The following ZNF106 variants were observed in gnomAD, a reference collection of about 807,000 sequenced individuals.
ZNF106 encodes the protein zinc finger protein 106, also known as SH3-domain binding protein 3.
In ZNF106, 67 loss-of-function variants were observed where a neutral mutation model predicts 195.1. The observed-to-expected ratio is 0.34, with a 90% confidence interval of 0.28 to 0.42. The LOEUF (loss-of-function observed/expected upper bound fraction) is 0.42, where lower values mean the gene tolerates loss of function less well. Ranked by LOEUF, ZNF106 falls within the 10% of genes least tolerant of loss-of-function variation. ZNF106 has a pLI of 1.00. For missense variants in ZNF106, 2,118 were observed against 2,304.5 expected (o/e 0.92, Z 1.66); for synonymous variants, 784 against 818.6 (o/e 0.96, Z 0.72).
intron 14 of ZNF106, among the ~76,000 whole-genome samples, chr15:42,432,285 A>G (rs953309148): frequency 6.6e-6 from 1 of 152,164 alleles, no homozygotes; most frequent in Non-Finnish European, 1.5e-5. Context: ...CAGCCTCCCA[A>G]GTAGCTAGGA....
At chr15:42,433,873 G>A (rs982064717) in intron 14 of ZNF106, among the ~76,000 whole-genome samples, 4 of 151,910 alleles carry the variant, frequency 2.6e-5, no homozygotes, top group Admixed American at 2.6e-4. Flanking sequence ...TTTTGAGGCA[G>A]GTTCTTGTTC....
intron 17 of ZNF106, among the ~76,000 whole-genome samples, chr15:42,423,133 C>T (rs1313424065): frequency 6.6e-6 from 1 of 151,800 alleles, no homozygotes; most frequent in Admixed American, 6.6e-5. Context: ...TTTGGGAGGC[C>T]GAGCTGGGCA....
chr15:42,480,868 C>T (rs1281066882), intron 1 of ZNF106, among the ~76,000 whole-genome samples: 3 of 152,096 alleles, frequency 2.0e-5, no homozygotes, highest in African/African-American at 7.2e-5. Context: ...ACCTGTACTC[C>T]CAGCTACTTG....
In ZNF106 at chr15:42,435,491, C is replaced by T. The variant is rs538508118; in HGVS notation, c.4774G>A (p.Gly1592Ser). ...AGGCAGTTAACTTTGGAGGTATGAC[C>T]CTCAAAGACACCAATACATTTCCGA... ...VSRKCIGVFEGHTSKVNCLLV... is the reference protein window; with the variant it reads ...VSRKCIGVFESHTSKVNCLLV... The change falls in exon 14 of 22, where the codon GGT becomes AGT. Residue 1592 changes from glycine to serine, a missense_variant. By Grantham distance (56) the Gly-to-Ser change is moderately conservative. Coordinates refer to ENST00000564754, the MANE Select transcript of ZNF106 (RefSeq NM_001366845.3). 1.2e-6 allele frequency: 2 copies of T among 1,614,066 alleles called. No homozygotes were observed. Among genetic ancestry groups the T allele is most frequent in the South Asian group, 1.1e-5 (1 of 91,082 alleles).
chr15:42,420,948 A>C (rs2054629945), intron 20 of ZNF106, 113 bp downstream of exon 20: 1 of 963,488 alleles, frequency 1.0e-6, no homozygotes, highest in Non-Finnish European at 1.7e-6. Context: ...GTAAGGCATA[A>C]AGTAGATGCT....
In ZNF106 at chr15:42,448,360, C is replaced by G. The variant is rs1268351765; in HGVS notation, c.2847G>C (p.Arg949Ser). 8 of 1,613,996 alleles carry G rather than the reference C, an allele frequency of 5.0e-6. No individual in the cohort carries two copies. The East Asian group carries it at 6.7e-5, about 13-fold the overall frequency. Residue 949 changes from arginine (R) to serine (S), a missense_variant, in exon 6 of 22, where the codon AGG (arginine) becomes AGC (serine). Coordinates refer to ENST00000564754, the MANE Select transcript of ZNF106 (RefSeq NM_001366845.3). ...PRAASLRTGE[R>S]AENVATQRRH... ...GCCTTTGGGTAGCAACATTTTCAGCCCTTTCACCTGTTCGGAGGGAGGCAG... is the reference window on the plus strand; with the variant it reads ...GCCTTTGGGTAGCAACATTTTCAGCGCTTTCACCTGTTCGGAGGGAGGCAG...
At chr15:42,461,996 T>C (rs1328257786) in intron 3 of ZNF106, among the ~76,000 whole-genome samples, 2 of 152,214 alleles carry the variant, frequency 1.3e-5, no homozygotes, top group Non-Finnish European at 2.9e-5. Flanking sequence ...TTCTCTCTTA[T>C]ATGTAACATG....
chr15:42,487,152 A>C (rs1476509319), intron 1 of ZNF106, among the ~76,000 whole-genome samples: 1 of 151,862 alleles, frequency 6.6e-6, no homozygotes, highest in African/African-American at 2.4e-5. Flanking sequence ...CTCCATCTTT[A>C]AAAAAATAAA....
intron 1 of ZNF106, among the ~76,000 whole-genome samples, chr15:42,482,889 A>C (rs376337031): frequency 6.6e-6 from 1 of 152,056 alleles, no homozygotes. Context: ...CATATGCATA[A>C]TTCAGCAGTC....
Position 42,486,779 on chromosome 15 carries a change from G to A in ZNF106, c.-33+4201C>T, listed in dbSNP as rs531179927. Among the ~76,000 whole-genome samples the A allele has an allele frequency of 1.4e-3, 212 of 150,168 alleles. 1 individual carries two copies. The Middle Eastern group carries it at 0.017, about 12-fold the overall frequency. ...TTCCAAGATCCTATTGATGTTAAGT[G>A]AGGACTTGTTATATATATATATGTC... On this transcript the variant is annotated intron_variant, in intron 1 of 21. Coordinates refer to ENST00000564754, the MANE Select transcript of ZNF106 (RefSeq NM_001366845.3).
chr15:42,417,680 CAT>C, intron 21 of ZNF106, 123 bp downstream of exon 21: 1 of 1,186,284 alleles, frequency 8.4e-7, no homozygotes, highest in Non-Finnish European at 1.1e-6. Flanking sequence ...ATCTCTGAAT[CAT>C]AAAAATAAAA....
chr15:42,472,321 G>C lies in ZNF106; in HGVS notation c.-32C>G, dbSNP rs7177521. On this transcript the variant is annotated splice_region_variant and 5_prime_UTR_variant, in exon 2 of 22. In the 5' UTR this introduces an upstream ATG that the reference lacks. Coordinates refer to ENST00000564754, the MANE Select transcript of ZNF106 (RefSeq NM_001366845.3). ...CAGATCTGAAGCACTCAACGTCACAGCTGCAATGAGGAAGTAACATTTAGT... is the reference window on the plus strand; with the variant it reads ...CAGATCTGAAGCACTCAACGTCACACCTGCAATGAGGAAGTAACATTTAGT... The C allele has an allele frequency of 1, 1,531,393 of 1,533,592 alleles. 764,620 individuals carry two copies. The highest frequency in any genetic ancestry group is 1 in the East Asian group (40,828 of 40,828). The allele number at this position is 1,533,592 out of a possible 1,614,324, so 95.0% of individuals were successfully genotyped here. A position where few individuals can be genotyped will look rare whatever the true frequency, so the allele number is the denominator to read the frequency against.
intron 20 of ZNF106, among the ~76,000 whole-genome samples, chr15:42,419,598 T>C (rs2054584013): frequency 6.6e-6 from 1 of 152,126 alleles, no homozygotes; most frequent in African/African-American, 2.4e-5. Context: ...GTCTTGGCTT[T>C]TCCCTACAGG....
intron 9 of ZNF106, among the ~76,000 whole-genome samples, 200 bp from the exon 10 acceptor site, chr15:42,442,614 C>CTTTTTTTT (rs1209709879): frequency 8.1e-6 from 1 of 123,608 alleles, no homozygotes; most frequent in African/African-American, 3.0e-5. Context: ...CATCAACATT[C>CTTTTTTTT]TTTTTTTTTT....
chr15:42,479,237 GGT>G (rs1034788213), intron 1 of ZNF106, among the ~76,000 whole-genome samples: 1 of 152,030 alleles, frequency 6.6e-6, no homozygotes, highest in African/African-American at 2.4e-5. Context: ...AGCTGGGCAT[GGT>G]GGTGGGCACC....
chr15:42,485,614 G>T (rs138933167), intron 1 of ZNF106, among the ~76,000 whole-genome samples: 1 of 152,248 alleles, frequency 6.6e-6, no homozygotes, highest in East Asian at 1.9e-4. Flanking sequence ...GGATGGAATG[G>T]CGTCCTGTCC....
chr15:42,414,342 TTTC>T lies in ZNF106; in HGVS notation c.*2959_*2961del, dbSNP rs1302062204. ...AGCCAAAATGCTTATGGTCCCTTTA[TTTC>T]TTAATAGAGGGCTAGAACCGTTCAT... On this transcript the variant is annotated 3_prime_UTR_variant, in exon 22 of 22. Coordinates refer to ENST00000564754, the MANE Select transcript of ZNF106 (RefSeq NM_001366845.3). The T allele has an allele frequency of 2.0e-5, 3 of 152,246 alleles. No individual in the cohort carries two copies. The highest frequency in any genetic ancestry group is 7.2e-5 in the African/African-American group (3 of 41,460). 9.4% of individuals were successfully genotyped at this position (152,246 alleles called of 1,614,324 possible).
chr15:42,423,364 CT>C (rs2054738049), intron 17 of ZNF106, among the ~76,000 whole-genome samples: 1 of 150,592 alleles, frequency 6.6e-6, no homozygotes, highest in South Asian at 2.1e-4. Context: ...AGTGAGACCC[CT>C]ATCTCAAAAA....
In ZNF106 at chr15:42,439,579, G is replaced by T. The variant is rs200126752; in HGVS notation, c.3998C>A (p.Ser1333Tyr). The T allele has an allele frequency of 9.5e-5, 154 of 1,614,060 alleles. No homozygotes were observed. Among genetic ancestry groups the T allele is most frequent in the Non-Finnish European group, 1.2e-4 (141 of 1,180,030 alleles). The change falls in exon 11 of 22, where the codon TCT becomes TAT. Residue 1333 changes from serine (S) to tyrosine (Y), a missense_variant. Ser to Tyr is a moderately radical substitution (Grantham distance 144). Transcript: ENST00000564754. ...GNSGSEACTS[S>Y]FLRLSFASET... is the part of the protein sequence containing the mutation. The stretch of plus-strand genomic sequence containing the variant: ...TGAAGCAAAAGACAATCTTAGAAAA[G>T]AACTGGTACAGGCTTCAGACCCACT...
Sources: gnomAD v4.1 joint callset for allele counts (sites outside exome capture counted in the v4.1 genomes callset) on GRCh38, gnomAD v4.1.1 for gene constraint, MANE v1.5 for transcripts, NCBI Gene and HGNC (gene_info 2026-07-23, HGNC 2026-07-21) for gene names.